The following MTPAP variants were observed in gnomAD, a reference collection of about 807,000 sequenced individuals.
MTPAP encodes poly(A) RNA polymerase, mitochondrial.
In MTPAP, 23 loss-of-function variants were observed where a neutral mutation model predicts 48.7. The ratio of observed to expected loss-of-function variants is 0.47; its 90% CI spans 0.34 to 0.67. The LOEUF is 0.67. Ranked by LOEUF, MTPAP falls within the 30% of genes least tolerant of loss-of-function variation. The probability of loss-of-function intolerance (pLI) is 0.01; values close to 1 mark genes in which losing one functional copy is unlikely to be tolerated. For synonymous variants in MTPAP, 257 were observed against 254.1 expected (o/e 1.01, Z -0.11); for missense variants, 614 against 694.3 (o/e 0.88, Z 1.30).
At chr10:30,315,544 AC>A (rs1449158589) in intron 8 of MTPAP, among the ~76,000 whole-genome samples, 1 of 151,956 alleles carries the variant, frequency 6.6e-6, no homozygotes, top group African/African-American at 2.4e-5. Flanking sequence ...ACAAAAAAAC[AC>A]CTAAATCCTA....
At chr10:30,333,919 A>T (rs1004885187) in intron 4 of MTPAP, among the ~76,000 whole-genome samples, 51 of 152,056 alleles carry the variant, frequency 3.4e-4, no homozygotes, top group African/African-American at 8.7e-4. Context: ...TAATAATAAT[A>T]ATTATTATTA....
Position 30,349,151 on chromosome 10 carries a change from C to G in MTPAP, c.125G>C (p.Arg42Thr). The G allele has an allele frequency of 1.9e-6, 3 of 1,613,858 alleles. No individual in the cohort carries two copies. Among genetic ancestry groups the G allele is most frequent in the Non-Finnish European group, 2.5e-6 (3 of 1,179,852 alleles). The stretch of plus-strand genomic sequence containing the variant: ...CACGCTCCCTGAAGGCTGCTCGTCT[C>G]TCCTAAGGTCTTTGGCCACAGTTCC... The part of the protein sequence containing the change: ...CPGTVAKDLR[R>T]DEQPSGSVET... The change falls in exon 1 of 9, where the codon AGA becomes ACA. Residue 42 changes from arginine (R) to threonine (T), a missense_variant. Physicochemically the swap from Arg to Thr is moderately conservative, Grantham distance 71. Coordinates refer to ENST00000263063, the MANE Select transcript of MTPAP (RefSeq NM_018109.4).
At chr10:30,345,692 C>G (rs971919468) in intron 1 of MTPAP, among the ~76,000 whole-genome samples, 1 of 152,110 alleles carries the variant, frequency 6.6e-6, no homozygotes, top group African/African-American at 2.4e-5. Context: ...TATTTTATGA[C>G]AGATTGAAAT....
rs780770819 is a variant in MTPAP, at chr10:30,311,507, G to T, written c.*2102C>A. On this transcript the variant is annotated 3_prime_UTR_variant, in exon 9 of 9. Coordinates refer to ENST00000263063, the MANE Select transcript of MTPAP (RefSeq NM_018109.4). ...TAAAGAGAAGTAACATTTACTTCGC[G>T]CCAGGAAAATGCACTGACCTAGCAT... 6.6e-6 allele frequency: 1 copy of T among 152,080 alleles called. No homozygotes were observed. Among genetic ancestry groups the T allele is most frequent in the African/African-American group, 2.4e-5 (1 of 41,400 alleles). The allele number at this position is 152,080 out of a possible 1,614,324, so 9.4% of individuals were successfully genotyped here.
chr10:30,316,896 CAAAACAAAACA>C (rs1212822245), intron 6 of MTPAP, among the ~76,000 whole-genome samples: 13 of 57,598 alleles, frequency 2.3e-4, no homozygotes, highest in African/African-American at 1.4e-3. Flanking sequence ...AAAAACAAAA[CAAAACAAAACA>C]AAACAAATTT....
chr10:30,310,114 T>C lies in MTPAP; in HGVS notation c.*3495A>G, dbSNP rs573686100. 136 of 152,320 alleles carry C rather than the reference T, an allele frequency of 8.9e-4. 1 individual carries two copies. The highest frequency in any genetic ancestry group is 3.2e-3 in the African/African-American group (133 of 41,572). The allele number at this position is 152,320 out of a possible 1,614,324, so 9.4% of individuals were successfully genotyped here. ...TAGAAGAAAAAAACTTGAAAAAAGT[T>C]TTACTTAACATTGCAATTATTTTTA... On this transcript the variant is annotated 3_prime_UTR_variant, in exon 9 of 9. Coordinates refer to ENST00000263063, the MANE Select transcript of MTPAP (RefSeq NM_018109.4).
intron 8 of MTPAP, among the ~76,000 whole-genome samples, chr10:30,315,570 G>A (rs1840652077): frequency 6.6e-6 from 1 of 151,010 alleles, no homozygotes; most frequent in African/African-American, 2.4e-5. Flanking sequence ...CTCAAATTGA[G>A]GGAATCACTG....
intron 4 of MTPAP, among the ~76,000 whole-genome samples, chr10:30,330,032 C>T (rs982222297): frequency 2.6e-5 from 4 of 151,820 alleles, no homozygotes; most frequent in Non-Finnish European, 5.9e-5. Flanking sequence ...AATTATTCAC[C>T]GGGTTATCTC....
chr10:30,319,081 G>A (rs946238339), intron 6 of MTPAP, among the ~76,000 whole-genome samples: 4 of 152,024 alleles, frequency 2.6e-5, no homozygotes, highest in African/African-American at 9.7e-5. Context: ...GGGGAGGCTG[G>A]GAGAAGGCCA....
At chr10:30,325,592 C>A (rs1038221117) in intron 5 of MTPAP, among the ~76,000 whole-genome samples, 1 of 151,946 alleles carries the variant, frequency 6.6e-6, no homozygotes, top group Non-Finnish European at 1.5e-5. Context: ...ACTAAAAAAA[C>A]AAAAATTAGC....
At position 30,343,807 on chromosome 10, in the gene MTPAP, G is replaced by A. The variant is rs115173042; in HGVS notation, c.158-2167C>T. Among the ~76,000 whole-genome samples the A allele has an allele frequency of 3.6e-3, 554 of 152,204 alleles. 1 individual carries two copies. Among genetic ancestry groups the A allele is most frequent in the African/African-American group, 0.013 (530 of 41,542 alleles). ...GGTCTTGAACTGCTGACCTCAAGCA[G>A]TCCTCCCTCCTTGGACTCCCAAAGT... is the stretch of plus-strand genomic sequence containing the variant. On this transcript the variant is annotated intron_variant, in intron 1 of 8. Transcript: ENST00000263063.
intron 8 of MTPAP, among the ~76,000 whole-genome samples, chr10:30,315,222 CA>C (rs11418482): frequency 1.3e-5 from 2 of 151,944 alleles, no homozygotes; most frequent in African/African-American, 2.4e-5. Flanking sequence ...TTTATTTTAA[CA>C]AAGAGTCCAT....
At position 30,311,051 on chromosome 10, in the gene MTPAP, TTAAA is replaced by T. The variant is rs2132838801; in HGVS notation, c.*2554_*2557del. ...TAACCCATACACATACTTTATGTGC[TTAAA>T]TAACCATATTACACCTAGCACCAAC... On this transcript the variant is annotated 3_prime_UTR_variant, in exon 9 of 9. Coordinates refer to ENST00000263063, the MANE Select transcript of MTPAP (RefSeq NM_018109.4). 1 of 152,300 alleles carries T rather than the reference TTAAA, an allele frequency of 6.6e-6. No individual in the cohort carries two copies. Among genetic ancestry groups the T allele is most frequent in the South Asian group, 2.1e-4 (1 of 4,830 alleles). The allele number at this position is 152,300 out of a possible 1,614,324, so 9.4% of individuals were successfully genotyped here. A position where few individuals can be genotyped will look rare whatever the true frequency, so the allele number is the denominator to read the frequency against.
At chr10:30,345,987 G>A (rs1834869669) in intron 1 of MTPAP, among the ~76,000 whole-genome samples, 2 of 150,796 alleles carry the variant, frequency 1.3e-5, no homozygotes, top group South Asian at 4.2e-4. Context: ...GTTGCACTGA[G>A]CCGAGATAGC....
intron 4 of MTPAP, among the ~76,000 whole-genome samples, chr10:30,335,952 G>A (rs1263856963): frequency 6.6e-6 from 1 of 152,154 alleles, no homozygotes; most frequent in Non-Finnish European, 1.5e-5. Context: ...GGAGGTTGCA[G>A]TGAGCCGAGA....
chr10:30,335,625 T>C (rs1415752128), intron 4 of MTPAP, among the ~76,000 whole-genome samples: 3 of 151,728 alleles, frequency 2.0e-5, no homozygotes, highest in Non-Finnish European at 2.9e-5. Flanking sequence ...AGAACATAAA[T>C]GGAAGAAATA....
Position 30,313,550 on chromosome 10 carries a change from A to G in MTPAP, c.*59T>C, listed in dbSNP as rs145835981. ...TGAAAGTTTCAAATCAGTTTTTCCA[A>G]GTAAGTCCACAGACCATTTGATAGG... On this transcript the variant is annotated 3_prime_UTR_variant, in exon 9 of 9. Coordinates refer to ENST00000263063, the MANE Select transcript of MTPAP (RefSeq NM_018109.4). 622 of 1,607,244 alleles carry G rather than the reference A, an allele frequency of 3.9e-4. 4 individuals carry two copies. In the African/African-American group the frequency reaches 7.3e-3, roughly 19 times the overall value.
chr10:30,313,662 TTC>T lies in MTPAP; in HGVS notation c.1694_1695del (p.Arg565AsnfsTer14), dbSNP rs750707060. The T allele has an allele frequency of 7.4e-6, 12 of 1,614,080 alleles. No homozygotes were observed. In the Admixed American group the frequency reaches 1.8e-4, roughly 25 times the overall value. On this transcript the variant is annotated frameshift_variant, in exon 9 of 9. Transcript: ENST00000263063. LOFTEE classifies it low-confidence loss of function (END_TRUNC). ...KNLLESLKGN[R>X]TENFTKTSGK... Reference sequence around the variant, plus strand: ...CCACTGGTTTTTGTGAAATTTTCTGTTCTGTTACCTTTTAAAGATTCTAGCAA... The same window carrying T: ...CCACTGGTTTTTGTGAAATTTTCTGTTGTTACCTTTTAAAGATTCTAGCAA...
At chr10:30,322,859 G>A (rs1406261449) in intron 5 of MTPAP, among the ~76,000 whole-genome samples, 2 of 151,866 alleles carry the variant, frequency 1.3e-5, no homozygotes, top group African/African-American at 2.4e-5. Flanking sequence ...AATGTAAGCC[G>A]GGCTCGGTGG....
Sources: allele counts gnomAD v4.1 joint callset (sites outside exome capture counted in the v4.1 genomes callset), GRCh38; gene constraint gnomAD v4.1.1; transcripts MANE v1.5; gene names NCBI Gene and HGNC (gene_info 2026-07-23, HGNC 2026-07-21).